DSCAM: variants seen among roughly 807,000 people sequenced by gnomAD.
DSCAM encodes the protein DS cell adhesion molecule.
In DSCAM, 47 loss-of-function variants were observed where a neutral mutation model predicts 217.7. The ratio of observed to expected loss-of-function variants is 0.22; its 90% CI spans 0.17 to 0.28. The LOEUF (loss-of-function observed/expected upper bound fraction) is 0.28, where lower values mean the gene tolerates loss of function less well. Among genes scored for constraint, DSCAM ranks in the 10% least tolerant of loss-of-function variants. The probability of loss-of-function intolerance (pLI) is 1.00; values close to 1 mark genes in which losing one functional copy is unlikely to be tolerated. For synonymous variants in DSCAM, 1,056 were observed against 1,015.3 expected (o/e 1.04, Z -0.76); for missense variants, 2,080 against 2,618.3 (o/e 0.79, Z 4.49).
intron 10 of DSCAM, among the ~76,000 whole-genome samples, chr21:40,284,829 ACTT>A (rs1480406820): frequency 6.6e-6 from 1 of 152,192 alleles, no homozygotes; most frequent in African/African-American, 2.4e-5. Flanking sequence ...CGTCCAGGTT[ACTT>A]CTTTTGTAAA....
chr21:40,332,217 G>C (rs1487390124), intron 8 of DSCAM, among the ~76,000 whole-genome samples: 1 of 152,046 alleles, frequency 6.6e-6, no homozygotes, highest in Non-Finnish European at 1.5e-5. Context: ...TTTTTAAATA[G>C]CTTTATTCCT....
intron 3 of DSCAM, among the ~76,000 whole-genome samples, chr21:40,620,642 A>G (rs1212601513): frequency 6.6e-6 from 1 of 152,224 alleles, no homozygotes; most frequent in East Asian, 1.9e-4. Flanking sequence ...TGAGAATATG[A>G]TGGAACAACT....
chr21:40,185,644 G>A (rs7275234), intron 14 of DSCAM, among the ~76,000 whole-genome samples: 49,011 of 152,148 alleles, frequency 0.32, 8,333 homozygotes, highest in African/African-American at 0.44. Flanking sequence ...TCTCATCACT[G>A]TCACTAAGTT....
chr21:40,489,171 G>A (rs2076054287), intron 3 of DSCAM, among the ~76,000 whole-genome samples: 1 of 152,172 alleles, frequency 6.6e-6, no homozygotes, highest in African/African-American at 2.4e-5. Flanking sequence ...GGTGTGTTTG[G>A]ATGAGATTGA....
chr21:40,757,926 G>A (rs898783990), intron 1 of DSCAM, among the ~76,000 whole-genome samples: 7 of 152,134 alleles, frequency 4.6e-5, no homozygotes, highest in African/African-American at 1.4e-4. Context: ...CCCAGTACCC[G>A]TGGATGTGAC....
chr21:40,534,032 A>C (rs532822693), intron 3 of DSCAM, among the ~76,000 whole-genome samples: 2 of 152,342 alleles, frequency 1.3e-5, no homozygotes, highest in South Asian at 4.1e-4. Flanking sequence ...CATCTACTTT[A>C]TTCCTATGGA....
intron 3 of DSCAM, among the ~76,000 whole-genome samples, chr21:40,422,083 G>T (rs2075430059): frequency 6.6e-6 from 1 of 152,210 alleles, no homozygotes; most frequent in African/African-American, 2.4e-5. Flanking sequence ...ATCCACTGAT[G>T]CATGTCCTGC....
chr21:40,190,438 C>G (rs375831249), intron 11 of DSCAM, among the ~76,000 whole-genome samples: 2 of 152,068 alleles, frequency 1.3e-5, no homozygotes, highest in African/African-American at 2.4e-5. Context: ...AAATATGAGA[C>G]CTCCAAAGCC....
intron 3 of DSCAM, among the ~76,000 whole-genome samples, chr21:40,662,041 T>C (rs1046827987): frequency 2.0e-5 from 3 of 152,248 alleles, no homozygotes; most frequent in Non-Finnish European, 4.4e-5. Context: ...TGCCCAGCCT[T>C]GTGGCAGCCC....
chr21:40,518,038 G>A (rs2076317375), intron 3 of DSCAM, among the ~76,000 whole-genome samples: 1 of 151,922 alleles, frequency 6.6e-6, no homozygotes, highest in African/African-American at 2.4e-5. Context: ...GGTGCTTCAT[G>A]CAGAGGGTGG....
intron 3 of DSCAM, among the ~76,000 whole-genome samples, chr21:40,624,959 TAA>T (rs964066279): frequency 1.3e-5 from 2 of 152,196 alleles, no homozygotes; most frequent in Non-Finnish European, 2.9e-5. Context: ...TTTTATAATC[TAA>T]GAGTATATTT....
At chr21:40,642,353 C>G (rs2089893038) in intron 3 of DSCAM, among the ~76,000 whole-genome samples, 2 of 152,098 alleles carry the variant, frequency 1.3e-5, no homozygotes, top group Non-Finnish European at 2.9e-5. Context: ...AAGTATGTAT[C>G]CAGCACAAGC....
At chr21:40,421,620 T>C (rs1037269988) in intron 3 of DSCAM, among the ~76,000 whole-genome samples, 7 of 152,222 alleles carry the variant, frequency 4.6e-5, no homozygotes, top group African/African-American at 1.7e-4. Context: ...TTTTACTGCC[T>C]CTCACAGTCT....
At chr21:40,505,259 GCA>G (rs1250033970) in intron 3 of DSCAM, among the ~76,000 whole-genome samples, 2 of 152,208 alleles carry the variant, frequency 1.3e-5, no homozygotes, top group Non-Finnish European at 2.9e-5. Flanking sequence ...CAGAGATTCA[GCA>G]CAGTTTGAAA....
At chr21:40,843,460 C>A (rs567183374) in intron 1 of DSCAM, among the ~76,000 whole-genome samples, 8 of 151,690 alleles carry the variant, frequency 5.3e-5, no homozygotes, top group Non-Finnish European at 8.8e-5. Context: ...TATAATAAAT[C>A]TAATTCTTCA....
intron 9 of DSCAM, among the ~76,000 whole-genome samples, chr21:40,302,734 T>G (rs966559974): frequency 6.6e-6 from 1 of 152,188 alleles, no homozygotes; most frequent in East Asian, 1.9e-4. Flanking sequence ...GGGATCCACA[T>G]AGGCTGAGAG....
At chr21:40,336,234 A>C (rs1393285531) in intron 8 of DSCAM, among the ~76,000 whole-genome samples, 1 of 152,184 alleles carries the variant, frequency 6.6e-6, no homozygotes, top group African/African-American at 2.4e-5. Context: ...TCTTAAAAGA[A>C]TGGCTACCTA....
Position 40,480,705 on chromosome 21 carries a change from C to A in DSCAM, c.509-111460G>T, listed in dbSNP as rs772347462. Among the ~76,000 whole-genome samples, 3 of 152,096 alleles carry A rather than the reference C, an allele frequency of 2.0e-5. No individual in the cohort carries two copies. In the East Asian group the frequency reaches 5.8e-4, roughly 29 times the overall value. ...CGTGCTGGACTGTCATATTAAACAG[C>A]GATGTGCCACATGGTTTTGAGTGCA... On this transcript the variant is annotated intron_variant, in intron 3 of 32. Transcript: ENST00000400454.
At position 40,714,871 on chromosome 21, in the gene DSCAM, G is replaced by A. The variant is rs115808654; in HGVS notation, c.44-6100C>T. On this transcript the variant is annotated intron_variant, in intron 1 of 32. Coordinates refer to ENST00000400454, the MANE Select transcript of DSCAM (RefSeq NM_001389.5). ...ACTCACGTTGAAATTTAATCACCAG[G>A]GTAATGGTACTGGGAGGTGGAAACT... 3.3e-3 allele frequency among the ~76,000 whole-genome samples: 497 copies of A among 152,278 alleles called. 2 individuals carry two copies. Among genetic ancestry groups the A allele is most frequent in the African/African-American group, 0.011 (473 of 41,548 alleles).
Sources: gnomAD v4.1 joint callset for allele counts (sites outside exome capture counted in the v4.1 genomes callset) on GRCh38, gnomAD v4.1.1 for gene constraint, MANE v1.5 for transcripts, NCBI Gene and HGNC (gene_info 2026-07-23, HGNC 2026-07-21) for gene names.